Variants in APMAP observed in about 807,000 individuals in gnomAD.
APMAP encodes adipocyte plasma membrane-associated protein.
In APMAP, 33 loss-of-function variants were observed where a neutral mutation model predicts 43.6. That is an observed-to-expected ratio of 0.76 (90% CI 0.57 to 1.01). The LOEUF (loss-of-function observed/expected upper bound fraction) is 1.01, where lower values mean the gene tolerates loss of function less well. APMAP is among the 50% of genes least tolerant of loss of function. APMAP has a pLI of 0.00. For missense variants in APMAP, 498 were observed against 540.7 expected, an observed-to-expected ratio of 0.92 and a Z score of 0.78; for synonymous variants, 224 against 216.7, an observed-to-expected ratio of 1.03 and a Z score of -0.30.
chr20:24,982,721 C>T (rs1375826046), intron 2 of APMAP, among the ~76,000 whole-genome samples: 2 of 152,184 alleles, frequency 1.3e-5, no homozygotes, highest in Non-Finnish European at 2.9e-5. Flanking sequence ...CCTTAGCCAA[C>T]TGGACTATCT....
At chr20:24,988,877 G>A (rs780307813) in intron 1 of APMAP, among the ~76,000 whole-genome samples, 5 of 152,170 alleles carry the variant, frequency 3.3e-5, no homozygotes, top group African/African-American at 1.2e-4. Context: ...TTTCTGCAAC[G>A]ATGGAAATAC....
intron 1 of APMAP, among the ~76,000 whole-genome samples, chr20:24,986,247 G>T (rs962392716): frequency 6.6e-6 from 1 of 152,110 alleles, no homozygotes; most frequent in Non-Finnish European, 1.5e-5. Context: ...CACTCATAAG[G>T]GGTTCAGAGC....
At chr20:24,989,337 C>A (rs1435696792) in intron 1 of APMAP, among the ~76,000 whole-genome samples, 1 of 152,184 alleles carries the variant, frequency 6.6e-6, no homozygotes, top group Non-Finnish European at 1.5e-5. Context: ...TCTCTGAAGG[C>A]AAGAGCACAA....
intron 3 of APMAP, among the ~76,000 whole-genome samples, chr20:24,976,206 C>A (rs144178836): frequency 1.3e-3 from 201 of 152,182 alleles, no homozygotes; most frequent in African/African-American, 4.5e-3. Flanking sequence ...AGTGAAACTT[C>A]ATTAAAATTA....
At chr20:24,983,333 C>A (rs1205316199) in intron 2 of APMAP, among the ~76,000 whole-genome samples, 1 of 152,330 alleles carries the variant, frequency 6.6e-6, no homozygotes, top group East Asian at 1.9e-4. Context: ...GACTGCACAA[C>A]CCTCCTGCAA....
chr20:24,981,916 A>G (rs2088107399), intron 2 of APMAP, among the ~76,000 whole-genome samples: 1 of 152,194 alleles, frequency 6.6e-6, no homozygotes, highest in Non-Finnish European at 1.5e-5. Context: ...GCTGCAGCTG[A>G]GTCAGCACCC....
intron 2 of APMAP, among the ~76,000 whole-genome samples, chr20:24,979,389 C>T (rs1039884268): frequency 4.6e-5 from 7 of 152,194 alleles, no homozygotes; most frequent in Non-Finnish European, 8.8e-5. Context: ...CGCCACCTCC[C>T]GCTGATATTC....
chr20:24,977,996 G>A (rs1176911204), intron 3 of APMAP, among the ~76,000 whole-genome samples: 1 of 152,176 alleles, frequency 6.6e-6, no homozygotes, highest in African/African-American at 2.4e-5. Flanking sequence ...TAGAAGAGAG[G>A]CCACTGACCG....
At chr20:24,990,173 G>A (rs2122535790) in intron 1 of APMAP, among the ~76,000 whole-genome samples, 1 of 152,294 alleles carries the variant, frequency 6.6e-6, no homozygotes, top group Admixed American at 6.5e-5. Flanking sequence ...GTATGTTAAA[G>A]TACTTAGCTC....
At chr20:24,972,687 G>GC (rs963833226) in intron 4 of APMAP, among the ~76,000 whole-genome samples, 8 of 149,570 alleles carry the variant, frequency 5.3e-5, no homozygotes, top group Non-Finnish European at 7.4e-5. Context: ...GGTGCTCATT[G>GC]CAAGTACCAC....
chr20:24,971,673 C>A, intron 4 of APMAP, 97 bp from the exon 5 acceptor site: 1 of 997,966 alleles, frequency 1.0e-6, no homozygotes. Flanking sequence ...TCCCATACAT[C>A]ATGCTGTACA....
chr20:24,964,794 G>C (rs978587799), intron 8 of APMAP, among the ~76,000 whole-genome samples: 2 of 152,120 alleles, frequency 1.3e-5, no homozygotes. Context: ...TTTAATACAA[G>C]GGAAAATACC....
intron 2 of APMAP, among the ~76,000 whole-genome samples, chr20:24,979,998 T>C (rs2088088016): frequency 6.6e-6 from 1 of 152,178 alleles, no homozygotes. Context: ...CCCAGGCCCC[T>C]GCCCTACTCC....
intron 2 of APMAP, among the ~76,000 whole-genome samples, chr20:24,982,971 TCC>T (rs998385641): frequency 7.2e-5 from 11 of 151,748 alleles, no homozygotes; most frequent in Admixed American, 6.6e-4. Context: ...CGGACTAGAG[TCC>T]CCAGTCCTTC....
At position 24,968,874 on chromosome 20, in the gene APMAP, AAC is replaced by A. The variant is rs780471173; in HGVS notation, c.1041+16_1041+17del. 3 of 1,561,100 alleles carry A rather than the reference AAC, an allele frequency of 1.9e-6. No individual in the cohort carries two copies. The highest frequency in any genetic ancestry group is 3.9e-5 in the Admixed American group (2 of 51,350). On this transcript the variant is annotated intron_variant, in intron 8 of 8. Transcript: ENST00000217456. ...TCATTTCCATTTTCTTTCTTGGAAT[AAC>A]AGTTTTCACAGTTACCTTAAAAATC...
chr20:24,969,318 C>T (rs537876027), intron 7 of APMAP, among the ~76,000 whole-genome samples: 5 of 152,246 alleles, frequency 3.3e-5, no homozygotes, highest in South Asian at 4.2e-4. Flanking sequence ...GAATGGGGCC[C>T]GGGCTGCACC....
chr20:24,991,513 T>C (rs1233244425), intron 1 of APMAP, among the ~76,000 whole-genome samples: 1 of 152,184 alleles, frequency 6.6e-6, no homozygotes, highest in Non-Finnish European at 1.5e-5. Flanking sequence ...AAATTGCCTC[T>C]CTAGAGCCTA....
chr20:24,969,788 C>A, intron 6 of APMAP, 128 bp from the exon 7 acceptor site: 1 of 1,297,516 alleles, frequency 7.7e-7, no homozygotes. Context: ...GTGCCCTGCT[C>A]AAACTTGATT....
At chr20:24,966,557 C>T (rs1313202925) in intron 8 of APMAP, among the ~76,000 whole-genome samples, 1 of 152,110 alleles carries the variant, frequency 6.6e-6, no homozygotes, top group African/African-American at 2.4e-5. Flanking sequence ...GCCAACGATG[C>T]GAGAGCAGAA....
Sources: allele counts gnomAD v4.1 joint callset (sites outside exome capture counted in the v4.1 genomes callset), GRCh38; gene constraint gnomAD v4.1.1; transcripts MANE v1.5; gene names NCBI Gene and HGNC (gene_info 2026-07-23, HGNC 2026-07-21).